Variants in ATP2A2 observed in about 807,000 individuals in gnomAD.
The protein encoded by ATP2A2 is ATPase sarcoplasmic/endoplasmic reticulum Ca2+ transporting 2.
In ATP2A2, 14 loss-of-function variants were observed where a neutral mutation model predicts 109.3. The observed-to-expected ratio is 0.13, with a 90% CI of 0.08 to 0.20. The LOEUF is 0.20. ATP2A2 is among the 10% of genes least tolerant of loss of function. The pLI, the probability that ATP2A2 is intolerant of heterozygous loss-of-function variation, is 1.00. For missense variants in ATP2A2, 657 were observed against 1,321.6 expected (o/e 0.50, Z 7.80); for synonymous variants, 506 against 490.9 (o/e 1.03, Z -0.41).
chr12:110,307,955 C>T (rs986452989), intron 5 of ATP2A2, among the ~76,000 whole-genome samples: 4 of 152,168 alleles, frequency 2.6e-5, no homozygotes, highest in African/African-American at 9.7e-5. Flanking sequence ...AGGTTTTCTT[C>T]TAGGATATTT....
rs915949108 is a variant in ATP2A2, at chr12:110,350,181, C to A, written c.*3711C>A. 15 of 1,605,820 alleles carry A rather than the reference C, an allele frequency of 9.3e-6. No homozygotes were observed. The African/African-American group carries it at 1.9e-4, about 20-fold the overall frequency. ...GTCTTGAAACCTTGAAAAGATCAAGCTGAATGTTCCTTTTCATCTGTCGCT... is the reference window on the plus strand; with the variant it reads ...GTCTTGAAACCTTGAAAAGATCAAGATGAATGTTCCTTTTCATCTGTCGCT... On this transcript the variant is annotated 3_prime_UTR_variant, in exon 20 of 20. Coordinates refer to ENST00000539276, the MANE Select transcript of ATP2A2 (RefSeq NM_170665.4).
chr12:110,350,213 C>A lies in ATP2A2; in HGVS notation c.*3743C>A, dbSNP rs950093633. 1 of 1,613,662 alleles carries A rather than the reference C, an allele frequency of 6.2e-7. No homozygotes were observed. The highest frequency in any genetic ancestry group is 2.2e-5 in the East Asian group (1 of 44,882). Reference sequence around the variant, plus strand: ...TTCCTTTTCATCTGTCGCTGTTGATCTTCATCTATTTAAATAGGTATTCTA... The same window carrying A: ...TTCCTTTTCATCTGTCGCTGTTGATATTCATCTATTTAAATAGGTATTCTA... On this transcript the variant is annotated 3_prime_UTR_variant, in exon 20 of 20. Coordinates refer to ENST00000539276, the MANE Select transcript of ATP2A2 (RefSeq NM_170665.4).
chr12:110,321,201 C>G (rs1877209033), intron 5 of ATP2A2, among the ~76,000 whole-genome samples: 1 of 152,126 alleles, frequency 6.6e-6, no homozygotes, highest in Admixed American at 6.5e-5. Context: ...GCACTCCAGT[C>G]TGGGTGATAG....
At position 110,346,484 on chromosome 12, in the gene ATP2A2, A is replaced by G; in HGVS notation, c.*14A>G. On this transcript the variant is annotated 3_prime_UTR_variant, in exon 20 of 20. Coordinates refer to ENST00000539276, the MANE Select transcript of ATP2A2 (RefSeq NM_170665.4). ...TTCTGGTCTTGACTGACAGTTTTCCATAAAGAAGATGTTTAACTTAATCAA... is the reference window on the plus strand; with the variant it reads ...TTCTGGTCTTGACTGACAGTTTTCCGTAAAGAAGATGTTTAACTTAATCAA... 1 of 1,614,210 alleles carries G rather than the reference A, an allele frequency of 6.2e-7. No homozygotes were observed. Among genetic ancestry groups the G allele is most frequent in the Non-Finnish European group, 8.5e-7 (1 of 1,180,030 alleles).
At chr12:110,344,698 C>T (rs1299011567) in intron 16 of ATP2A2, among the ~76,000 whole-genome samples, 188 bp from the exon 17 acceptor site, 1 of 152,184 alleles carries the variant, frequency 6.6e-6, no homozygotes, top group African/African-American at 2.4e-5. Context: ...CACCCCTGTC[C>T]TTCAGAAACC....
At chr12:110,311,931 C>T (rs964262672) in intron 5 of ATP2A2, among the ~76,000 whole-genome samples, 2 of 151,602 alleles carry the variant, frequency 1.3e-5, no homozygotes, top group Non-Finnish European at 2.9e-5. Context: ...CATGCCAGCA[C>T]TTTGGGAGGC....
chr12:110,298,522 A>G (rs1018635212), intron 5 of ATP2A2, among the ~76,000 whole-genome samples: 2 of 152,160 alleles, frequency 1.3e-5, no homozygotes, highest in African/African-American at 2.4e-5. Flanking sequence ...GATCGAAACT[A>G]TCCTGGCCAA....
intron 1 of ATP2A2, 137 bp from the exon 2 acceptor site, chr12:110,282,467 A>C: frequency 1.7e-6 from 2 of 1,175,418 alleles, no homozygotes; most frequent in South Asian, 2.5e-5. Flanking sequence ...TCTTATAGCT[A>C]GGTCTGTGTT....
intron 5 of ATP2A2, among the ~76,000 whole-genome samples, chr12:110,311,067 G>A (rs1183974423): frequency 6.6e-6 from 1 of 152,204 alleles, no homozygotes; most frequent in Non-Finnish European, 1.5e-5. Context: ...GTGTGATTTA[G>A]ATAGTATGGC....
chr12:110,299,114 C>G (rs1250644026), intron 5 of ATP2A2, among the ~76,000 whole-genome samples: 1 of 151,974 alleles, frequency 6.6e-6, no homozygotes, highest in African/African-American at 2.4e-5. Flanking sequence ...GGATCACAGG[C>G]ATGAGCAACC....
At chr12:110,341,039 A>G (rs1004468914) in intron 14 of ATP2A2, 45 bp downstream of exon 14, 3 of 1,594,584 alleles carry the variant, frequency 1.9e-6, no homozygotes, top group Non-Finnish European at 2.6e-6. Flanking sequence ...CTACACAAGC[A>G]CATAGTAGCC....
rs553758920 is a variant in ATP2A2, at chr12:110,349,830, T to C, written c.*3360T>C. 74 of 1,045,718 alleles carry C rather than the reference T, an allele frequency of 7.1e-5. No homozygotes were observed. Among genetic ancestry groups the C allele is most frequent in the Non-Finnish European group, 8.4e-5 (73 of 866,218 alleles). The allele number at this position is 1,045,718 out of a possible 1,614,324, so 64.8% of individuals were successfully genotyped here. Reference sequence around the variant, plus strand: ...CACCCTCCTTTACTGAGGAGAATGATGCGGAGGAGTTTCCTCTCCAGGGCT... The same window carrying C: ...CACCCTCCTTTACTGAGGAGAATGACGCGGAGGAGTTTCCTCTCCAGGGCT... On this transcript the variant is annotated 3_prime_UTR_variant, in exon 20 of 20. Coordinates refer to ENST00000539276, the MANE Select transcript of ATP2A2 (RefSeq NM_170665.4).
At chr12:110,303,110 C>G (rs993114404) in intron 5 of ATP2A2, among the ~76,000 whole-genome samples, 5 of 152,144 alleles carry the variant, frequency 3.3e-5, no homozygotes, top group African/African-American at 1.2e-4. Context: ...GTAACGTTAT[C>G]GTAAGTTCTC....
intron 3 of ATP2A2, among the ~76,000 whole-genome samples, chr12:110,288,295 G>T (rs1872878010): frequency 6.6e-6 from 1 of 151,124 alleles, no homozygotes; most frequent in African/African-American, 2.4e-5. Context: ...ATACACATAG[G>T]GTCTCACTAT....
chr12:110,347,718 C>G lies in ATP2A2; in HGVS notation c.*1248C>G. 8.6e-7 allele frequency: 1 copy of G among 1,160,756 alleles called. No individual in the cohort carries two copies. The highest frequency in any genetic ancestry group is 1.1e-6 in the Non-Finnish European group (1 of 927,454). The allele number at this position is 1,160,756 out of a possible 1,614,324, so 71.9% of individuals were successfully genotyped here. ...TGCGCATGTTCGAGATGAGTCTCAC[C>G]AACAGTGTGTAAGTCATTAACAGTC... On this transcript the variant is annotated 3_prime_UTR_variant, in exon 20 of 20. Transcript: ENST00000539276.
intron 4 of ATP2A2, among the ~76,000 whole-genome samples, chr12:110,293,336 G>T (rs1028708965): frequency 6.8e-6 from 1 of 147,952 alleles, no homozygotes; most frequent in Admixed American, 6.7e-5. Flanking sequence ...CCAAAGTGCT[G>T]GGATTACAGG....
At position 110,328,034 on chromosome 12, in the gene ATP2A2, A is replaced by G; in HGVS notation, c.1095+17A>G. Reference sequence around the variant, plus strand: ...GTCTGCAGGGTAAGAGGAGTAATTTAGAATATTCCGTGTCGTGGTTCTTTG... The same window carrying G: ...GTCTGCAGGGTAAGAGGAGTAATTTGGAATATTCCGTGTCGTGGTTCTTTG... On this transcript the variant is annotated intron_variant, in intron 8 of 19. Coordinates refer to ENST00000539276, the MANE Select transcript of ATP2A2 (RefSeq NM_170665.4). The G allele has an allele frequency of 6.2e-7, 1 of 1,606,722 alleles. No homozygotes were observed. Among genetic ancestry groups the G allele is most frequent in the Non-Finnish European group, 8.5e-7 (1 of 1,175,274 alleles).
At chr12:110,344,234 G>A (rs963940461) in intron 16 of ATP2A2, among the ~76,000 whole-genome samples, 2 of 152,130 alleles carry the variant, frequency 1.3e-5, no homozygotes, top group African/African-American at 4.8e-5. Context: ...GTGGGTATAT[G>A]CACTTGTTGT....
In ATP2A2 at chr12:110,346,374, C is replaced by G. The variant is rs201406511; in HGVS notation, c.3033C>G (p.Thr1011=). 1.1e-5 allele frequency: 18 copies of G among 1,613,952 alleles called. No homozygotes were observed. In the African/African-American group the frequency reaches 2.1e-4, roughly 19 times the overall value. Residue 1011 remains threonine, a synonymous_variant, in exon 20 of 20, where the codon ACC becomes ACG. Transcript: ENST00000539276. The part of the protein sequence containing the change: ...ATKSCSFSAC[T]DGISWPFVLL... The stretch of plus-strand genomic sequence containing the variant: ...AATCCTGCTCGTTCTCGGCATGCAC[C>G]GATGGGATTTCCTGGCCGTTTGTGC...
Sources: gnomAD v4.1 joint callset for allele counts (sites outside exome capture counted in the v4.1 genomes callset) on GRCh38, gnomAD v4.1.1 for gene constraint, MANE v1.5 for transcripts, NCBI Gene and HGNC (gene_info 2026-07-23, HGNC 2026-07-21) for gene names.